GMPS: variants seen among roughly 807,000 people sequenced by gnomAD.
GMPS encodes guanosine monophosphate synthase, also known as GMP synthase [glutamine-hydrolyzing].
Under a neutral mutation model 77.9 loss-of-function variants are expected in GMPS, and 15 were observed. That is an observed-to-expected ratio of 0.19 (90% CI 0.13 to 0.30). GMPS has a LOEUF of 0.30. Ranked by LOEUF, GMPS falls within the 10% of genes least tolerant of loss-of-function variation. GMPS has a pLI of 1.00. For missense variants in GMPS, 590 were observed against 838.8 expected (o/e 0.70, Z 3.66); for synonymous variants, 224 against 275.9 (o/e 0.81, Z 1.86).
At chr3:155,896,211 A>G (rs527290643) in intron 2 of GMPS, among the ~76,000 whole-genome samples, 2 of 151,974 alleles carry the variant, frequency 1.3e-5, no homozygotes, top group Admixed American at 6.5e-5. Context: ...GGGTTTTGCC[A>G]TGTTAGCCAG....
At chr3:155,883,666 A>G (rs1017363613) in intron 1 of GMPS, among the ~76,000 whole-genome samples, 1 of 152,286 alleles carries the variant, frequency 6.6e-6, no homozygotes, top group African/African-American at 2.4e-5. Flanking sequence ...TTCTTCATGC[A>G]AACAGGCTAT....
intron 12 of GMPS, among the ~76,000 whole-genome samples, chr3:155,925,798 A>G (rs1755439356): frequency 6.6e-6 from 1 of 152,118 alleles, no homozygotes; most frequent in Admixed American, 6.5e-5. Flanking sequence ...CTGTGGTTTT[A>G]GAAGTCTTTA....
intron 8 of GMPS, among the ~76,000 whole-genome samples, chr3:155,915,557 A>G (rs1755158149): frequency 6.6e-6 from 1 of 151,946 alleles, no homozygotes; most frequent in African/African-American, 2.4e-5. Flanking sequence ...GTGTGCCACC[A>G]TGCCCGGCTA....
At chr3:155,935,714 T>C (rs1055716406) in intron 14 of GMPS, among the ~76,000 whole-genome samples, 13 of 152,202 alleles carry the variant, frequency 8.5e-5, no homozygotes, top group African/African-American at 3.1e-4. Context: ...ATGTCTTTTG[T>C]TGGTGATTTT....
In GMPS at chr3:155,874,901, C is replaced by CTTT. The variant is rs1171275758; in HGVS notation, c.27+4026_27+4028dup. Among the ~76,000 whole-genome samples the CTTT allele has an allele frequency of 4.5e-3, 322 of 71,404 alleles. 2 individuals are homozygous for CTTT. The highest frequency in any genetic ancestry group is 0.029 in the Middle Eastern group (2 of 68). The allele number at this position is 71,404 out of a possible 152,430, so 46.8% of individuals were successfully genotyped here. On this transcript the variant is annotated intron_variant, in intron 1 of 15. Transcript: ENST00000496455. ...GTAGTACATTCTTAAACTTTGTTTT[C>CTTT]TTTTTTTTTTTTTTTTTTTTTTTTG...
At chr3:155,885,245 T>C (rs568388441) in intron 1 of GMPS, among the ~76,000 whole-genome samples, 1 of 152,260 alleles carries the variant, frequency 6.6e-6, no homozygotes, top group South Asian at 2.1e-4. Context: ...CTATCGAACA[T>C]TGAAAACTTA....
At chr3:155,884,016 G>A (rs2108058698) in intron 1 of GMPS, among the ~76,000 whole-genome samples, 1 of 151,764 alleles carries the variant, frequency 6.6e-6, no homozygotes, top group East Asian at 1.9e-4. Flanking sequence ...GCTTGTTATT[G>A]AATAGAAAAA....
intron 1 of GMPS, among the ~76,000 whole-genome samples, chr3:155,881,062 AAT>A (rs1016476532): frequency 6.6e-6 from 1 of 152,158 alleles, no homozygotes; most frequent in African/African-American, 2.4e-5. Context: ...GCAGAATCAA[AAT>A]ATGTTATTAA....
chr3:155,915,238 G>GTTTTTTT (rs35664957), intron 8 of GMPS, among the ~76,000 whole-genome samples: 2 of 133,184 alleles, frequency 1.5e-5, no homozygotes, highest in Non-Finnish European at 3.2e-5. Context: ...CTTTGTTTTT[G>GTTTTTTT]TTTTTTTTTT....
chr3:155,900,567 G>A (rs767807412), intron 3 of GMPS, among the ~76,000 whole-genome samples: 5 of 152,042 alleles, frequency 3.3e-5, no homozygotes, highest in South Asian at 2.1e-4. Context: ...AGTGAAATAC[G>A]TCTGAAAAAT....
rs1055878041 is a variant in GMPS, at chr3:155,943,206, A to G, written c.*5514A>G. The G allele has an allele frequency of 3.4e-5, 6 of 178,662 alleles. No homozygotes were observed. Among genetic ancestry groups the G allele is most frequent in the Non-Finnish European group, 6.0e-5 (5 of 83,258 alleles). 11.1% of individuals were successfully genotyped at this position (178,662 alleles called of 1,614,324 possible). A position where few individuals can be genotyped will look rare whatever the true frequency, so the allele number is the denominator to read the frequency against. On this transcript the variant is annotated 3_prime_UTR_variant, in exon 16 of 16. Transcript: ENST00000496455. ...AGATTGCGCCACTGCACTCCAGCCT[A>G]GGTGACAAGAATGAGACTCCGTCTT...
chr3:155,914,736 C>T (rs1415225882), intron 8 of GMPS, among the ~76,000 whole-genome samples, 166 bp downstream of exon 8: 1 of 151,546 alleles, frequency 6.6e-6, no homozygotes, highest in Non-Finnish European at 1.5e-5. Flanking sequence ...CCAGTAGAAA[C>T]TGTTTTATGT....
chr3:155,930,049 C>T (rs1432456753), intron 12 of GMPS, among the ~76,000 whole-genome samples: 18 of 147,622 alleles, frequency 1.2e-4, no homozygotes, highest in Non-Finnish European at 1.8e-4. Flanking sequence ...CCCGCATCGC[C>T]AAGTCAATCC....
At chr3:155,885,790 C>T (rs775814951) in intron 1 of GMPS, among the ~76,000 whole-genome samples, 1 of 152,168 alleles carries the variant, frequency 6.6e-6, no homozygotes, top group Non-Finnish European at 1.5e-5. Flanking sequence ...TTGAAAGACT[C>T]ATGTACTACT....
chr3:155,934,242 A>G (rs3772115), intron 13 of GMPS, among the ~76,000 whole-genome samples: 59,713 of 152,062 alleles, frequency 0.39, 14,373 homozygotes, highest in Non-Finnish European at 0.52. Flanking sequence ...TCCTAGGACT[A>G]CCCATAACAA....
rs1443928036 is a variant in GMPS at position 155,871,858 on chromosome 3, TCTTA to T, written c.27+965_27+968del. Among the ~76,000 whole-genome samples, 4 of 152,246 alleles carry T rather than the reference TCTTA, an allele frequency of 2.6e-5. No individual in the cohort carries two copies. In the South Asian group the frequency reaches 8.3e-4, roughly 31 times the overall value. The stretch of plus-strand genomic sequence containing the variant: ...CAACTCACTTTTCTTAGACCGTTCC[TCTTA>T]CTTTCGTCCCGCTTTTGAATTGGGC... On this transcript the variant is annotated intron_variant, in intron 1 of 15. Coordinates refer to ENST00000496455, the MANE Select transcript of GMPS (RefSeq NM_003875.3).
intron 11 of GMPS, among the ~76,000 whole-genome samples, chr3:155,924,968 T>A (rs1053990477): frequency 6.6e-6 from 1 of 152,212 alleles, no homozygotes; most frequent in African/African-American, 2.4e-5. Context: ...AAGATAATAT[T>A]TGACTCAGAT....
At chr3:155,936,147 C>A (rs964417813) in intron 14 of GMPS, among the ~76,000 whole-genome samples, 191 bp from the exon 15 acceptor site, 1 of 152,112 alleles carries the variant, frequency 6.6e-6, no homozygotes, top group African/African-American at 2.4e-5. Flanking sequence ...TGATCAAATT[C>A]TGTTTTTTGC....
intron 1 of GMPS, among the ~76,000 whole-genome samples, chr3:155,886,796 G>A (rs1317103241): frequency 1.3e-5 from 2 of 151,744 alleles, no homozygotes; most frequent in Admixed American, 6.6e-5. Flanking sequence ...GTGAGCCACC[G>A]TGCCCGGCCT....
Sources: gnomAD v4.1 joint callset for allele counts (sites outside exome capture counted in the v4.1 genomes callset) on GRCh38, gnomAD v4.1.1 for gene constraint, MANE v1.5 for transcripts, NCBI Gene and HGNC (gene_info 2026-07-23, HGNC 2026-07-21) for gene names.